The following VPS13D variants were observed in gnomAD, a reference collection of about 807,000 sequenced individuals.
VPS13D encodes vacuolar protein sorting 13 homolog D, also known as intermembrane lipid transfer protein VPS13D.
VPS13D carries 187 observed loss-of-function variants against 461.9 expected under a neutral mutation model. The observed-to-expected ratio is 0.40, with a 90% CI of 0.36 to 0.46. The LOEUF is 0.46. Among genes scored for constraint, VPS13D ranks in the 20% least tolerant of loss-of-function variants. The probability of loss-of-function intolerance (pLI) is 0.60; values close to 1 mark genes in which losing one functional copy is unlikely to be tolerated. For missense variants in VPS13D, 4,711 were observed against 5,364.9 expected (o/e 0.88, Z 3.81); for synonymous variants, 1,951 against 1,986.3 (o/e 0.98, Z 0.47).
rs1329602286 is a variant in VPS13D, at chr1:12,277,111, T to C, written c.3523T>C (p.Leu1175=). ...EVAVEIHRLN[L]LLLRTVGMAN... ...TGCAGTGGAAATCCATAGGCTGAAC[T>C]TACTGCTTCTTCGGACAGTGGGCAT... The change falls in exon 19 of 70, where the codon TTA becomes CTA. Residue 1175 remains leucine, a synonymous_variant. Coordinates refer to ENST00000620676, the MANE Select transcript of VPS13D (RefSeq NM_015378.4). 6.2e-7 allele frequency: 1 copy of C among 1,614,206 alleles called. No individual in the cohort carries two copies. Among genetic ancestry groups the C allele is most frequent in the East Asian group, 2.2e-5 (1 of 44,882 alleles).
chr1:12,327,786 G>A lies in VPS13D; in HGVS notation c.8129G>A (p.Ser2710Asn). The A allele has an allele frequency of 1.2e-6, 2 of 1,614,186 alleles. No individual in the cohort carries two copies. The highest frequency in any genetic ancestry group is 1.7e-6 in the Non-Finnish European group (2 of 1,180,040). Reference protein sequence around the residue: ...LISGVEIKAESVCICFIDDCM... With the variant: ...LISGVEIKAENVCICFIDDCM... Reference sequence around the variant, plus strand: ...TCTGGCGTGGAGATCAAAGCTGAGAGTGTGTGCATCTGTTTCATCGATGAC... The same window carrying A: ...TCTGGCGTGGAGATCAAAGCTGAGAATGTGTGCATCTGTTTCATCGATGAC... The change falls in exon 36 of 70, where the codon AGT becomes AAT. Residue 2710 changes from serine to asparagine, a missense_variant. Coordinates refer to ENST00000620676, the MANE Select transcript of VPS13D (RefSeq NM_015378.4).
At chr1:12,428,826 G>A (rs1334010530) in intron 65 of VPS13D, among the ~76,000 whole-genome samples, 1 of 152,226 alleles carries the variant, frequency 6.6e-6, no homozygotes, top group Non-Finnish European at 1.5e-5. Context: ...ATGTTAGAAA[G>A]GAAGACTTAG....
At chr1:12,314,421 A>G in intron 30 of VPS13D, 94 bp downstream of exon 30, 1 of 1,223,906 alleles carries the variant, frequency 8.2e-7, no homozygotes. Flanking sequence ...AAAACCAAGG[A>G]ATCACTAGAC....
At chr1:12,233,449 G>A (rs1190788241) in intron 1 of VPS13D, among the ~76,000 whole-genome samples, 1 of 152,168 alleles carries the variant, frequency 6.6e-6, no homozygotes, top group East Asian at 1.9e-4. Flanking sequence ...AGGTTTAGCA[G>A]CTTCCGTGGT....
At chr1:12,469,832 G>T (rs1267282242) in intron 67 of VPS13D, among the ~76,000 whole-genome samples, 2 of 152,118 alleles carry the variant, frequency 1.3e-5, no homozygotes, top group Admixed American at 6.6e-5. Flanking sequence ...ATTTCGGCAG[G>T]GTAGTAAGTG....
chr1:12,490,107 TG>T (rs762479174), intron 67 of VPS13D, among the ~76,000 whole-genome samples: 8 of 152,230 alleles, frequency 5.3e-5, no homozygotes, highest in Non-Finnish European at 1.0e-4. Context: ...GACCTAGTGC[TG>T]GCCTCTGCAT....
intron 24 of VPS13D, among the ~76,000 whole-genome samples, chr1:12,298,245 G>A (rs1642329675): frequency 6.6e-6 from 1 of 152,150 alleles, no homozygotes; most frequent in African/African-American, 2.4e-5. Context: ...GCTACTAAGT[G>A]GCCAGGGGTT....
At chr1:12,259,802 G>C (rs867208910) in intron 10 of VPS13D, among the ~76,000 whole-genome samples, 29 of 152,152 alleles carry the variant, frequency 1.9e-4, no homozygotes, top group African/African-American at 6.5e-4. Context: ...AGTGAAACAA[G>C]TGAAAATGAC....
intron 58 of VPS13D, 76 bp downstream of exon 58, chr1:12,383,231 C>T: frequency 7.1e-7 from 1 of 1,411,932 alleles, no homozygotes; most frequent in South Asian, 1.4e-5. Context: ...TTAACAAATA[C>T]TTATTGAACA....
At chr1:12,488,830 AC>A (rs1355993532) in intron 67 of VPS13D, among the ~76,000 whole-genome samples, 1 of 152,228 alleles carries the variant, frequency 6.6e-6, no homozygotes, top group Admixed American at 6.5e-5. Context: ...ATTAGAGGTG[AC>A]AGGTTAGCAA....
At chr1:12,446,959 A>G (rs1645200808) in intron 65 of VPS13D, among the ~76,000 whole-genome samples, 1 of 152,188 alleles carries the variant, frequency 6.6e-6, no homozygotes, top group Non-Finnish European at 1.5e-5. Context: ...TTGTCAGAGT[A>G]GTAGCTTTGG....
chr1:12,234,399 G>A lies in VPS13D; in HGVS notation c.97+36G>A, dbSNP rs182039174. On this transcript the variant is annotated intron_variant, in intron 2 of 69. Transcript: ENST00000620676. ...CTCTGGGTGAGATACAGCTTTATAGGTGGCGTTTCTATTTTTGTATTTTTT... is the reference window on the plus strand; with the variant it reads ...CTCTGGGTGAGATACAGCTTTATAGATGGCGTTTCTATTTTTGTATTTTTT... The A allele has an allele frequency of 2.5e-4, 386 of 1,544,880 alleles. No individual in the cohort carries two copies. The East Asian group carries it at 7.2e-3, about 29-fold the overall frequency.
At chr1:12,245,096 A>G (rs574875327) in intron 5 of VPS13D, among the ~76,000 whole-genome samples, 1 of 152,370 alleles carries the variant, frequency 6.6e-6, no homozygotes, top group South Asian at 2.1e-4. Context: ...TAAGATACCT[A>G]ACCTCTTGCT....
intron 20 of VPS13D, among the ~76,000 whole-genome samples, chr1:12,281,683 C>T (rs1252905713): frequency 1.3e-5 from 2 of 152,044 alleles, no homozygotes; most frequent in Non-Finnish European, 2.9e-5. Context: ...ATTTAGGTGG[C>T]AAGAGCCTTG....
intron 17 of VPS13D, 46 bp downstream of exon 17, chr1:12,271,170 A>G: frequency 6.2e-7 from 1 of 1,611,306 alleles, no homozygotes; most frequent in South Asian, 1.1e-5. Context: ...GGGAAGGGGC[A>G]GGAATTCTTT....
intron 65 of VPS13D, among the ~76,000 whole-genome samples, chr1:12,427,605 G>A (rs911851204): frequency 1.1e-4 from 16 of 152,262 alleles, no homozygotes; most frequent in African/African-American, 3.9e-4. Flanking sequence ...AAAGTAATGT[G>A]TTATAAGTAA....
At chr1:12,291,968 T>C (rs1430515718) in intron 23 of VPS13D, among the ~76,000 whole-genome samples, 1 of 152,094 alleles carries the variant, frequency 6.6e-6, no homozygotes, top group Admixed American at 6.5e-5. Flanking sequence ...TAAAGAATTA[T>C]TTTCTCAGGG....
At chr1:12,481,565 A>G (rs551240063) in intron 67 of VPS13D, among the ~76,000 whole-genome samples, 2 of 152,292 alleles carry the variant, frequency 1.3e-5, no homozygotes, top group South Asian at 4.1e-4. Flanking sequence ...TCTGATTTTT[A>G]TGAAGGCACA....
In VPS13D at chr1:12,369,658, T is replaced by C; in HGVS notation, c.10764T>C (p.Tyr3588=). ...MNDFQDNRQL[Y]YENFIYIAAT... ...ATTTCCAGGATAATCGGCAGCTTTATTATGAAAATTTCATTTACATTGCTG... is the reference window on the plus strand; with the variant it reads ...ATTTCCAGGATAATCGGCAGCTTTACTATGAAAATTTCATTTACATTGCTG... The change falls in exon 54 of 70, where the codon TAT becomes TAC. Residue 3588 remains tyrosine, a synonymous_variant. Coordinates refer to ENST00000620676, the MANE Select transcript of VPS13D (RefSeq NM_015378.4). The C allele has an allele frequency of 3.1e-6, 5 of 1,614,218 alleles. No individual in the cohort carries two copies. In the South Asian group the frequency reaches 5.5e-5, roughly 18 times the overall value.
Sources: gnomAD v4.1 joint callset for allele counts (sites outside exome capture counted in the v4.1 genomes callset) on GRCh38, gnomAD v4.1.1 for gene constraint, MANE v1.5 for transcripts, NCBI Gene and HGNC (gene_info 2026-07-23, HGNC 2026-07-21) for gene names.